Variants in STK39 observed in about 807,000 individuals in gnomAD.
STK39 encodes the protein STE20/SPS1-related proline-alanine-rich protein kinase.
In STK39, 20 loss-of-function variants were observed where a neutral mutation model predicts 77.8. The observed-to-expected ratio is 0.26, with a 90% CI of 0.18 to 0.37. The LOEUF is 0.37. STK39 is among the 10% of genes least tolerant of loss of function. STK39 has a pLI of 1.00. For missense variants in STK39, 479 were observed against 656.5 expected, an observed-to-expected ratio of 0.73 and a Z score of 2.95; for synonymous variants, 246 against 234.1, an observed-to-expected ratio of 1.05 and a Z score of -0.47.
At chr2:168,170,152 A>C (rs1324067402) in intron 2 of STK39, among the ~76,000 whole-genome samples, 2 of 152,220 alleles carry the variant, frequency 1.3e-5, no homozygotes, top group Non-Finnish European at 2.9e-5. Flanking sequence ...TGAAAACTAG[A>C]AATCTTTCCA....
chr2:168,059,691 C>T (rs907582911), intron 14 of STK39, among the ~76,000 whole-genome samples: 1 of 152,164 alleles, frequency 6.6e-6, no homozygotes, highest in Non-Finnish European at 1.5e-5. Flanking sequence ...TTACAACCTA[C>T]AGAAACTGAG....
intron 17 of STK39, among the ~76,000 whole-genome samples, chr2:167,962,904 GC>G (rs1269886807): frequency 6.6e-6 from 1 of 152,156 alleles, no homozygotes; most frequent in East Asian, 1.9e-4. Flanking sequence ...ACCCCAGCGA[GC>G]CCGAGGTTCC....
intron 5 of STK39, 104 bp from the exon 6 acceptor site, chr2:168,140,862 T>G (rs369960713): frequency 2.2e-6 from 2 of 922,148 alleles, no homozygotes; most frequent in Non-Finnish European, 3.2e-6. Flanking sequence ...ACAGTGGTGA[T>G]GAACTATTCC....
At chr2:168,118,488 A>C (rs1687313943) in intron 10 of STK39, among the ~76,000 whole-genome samples, 2 of 152,118 alleles carry the variant, frequency 1.3e-5, no homozygotes, top group Non-Finnish European at 2.9e-5. Flanking sequence ...CAATCTAAAA[A>C]TAAAGACATT....
rs529130681 is a variant in STK39, at chr2:168,029,688, G to A, written c.1377-12593C>T. On this transcript the variant is annotated intron_variant, in intron 14 of 17. Coordinates refer to ENST00000355999, the MANE Select transcript of STK39 (RefSeq NM_013233.3). ...TGTCTTGTCAAGTGCTACAAAGGGC[G>A]ATTTCATGACTGCTTTCTCCGACGG... Among the ~76,000 whole-genome samples the A allele has an allele frequency of 5.9e-5, 9 of 152,244 alleles. No individual in the cohort carries two copies. In the East Asian group the frequency reaches 7.7e-4, roughly 13 times the overall value.
chr2:168,076,678 C>T (rs1686086543), intron 10 of STK39, among the ~76,000 whole-genome samples: 1 of 152,018 alleles, frequency 6.6e-6, no homozygotes, highest in South Asian at 2.1e-4. Context: ...TAGTTATGCT[C>T]ATTTTTTTTT....
intron 8 of STK39, among the ~76,000 whole-genome samples, chr2:168,132,574 C>T (rs1350943204): frequency 6.6e-6 from 1 of 152,168 alleles, no homozygotes; most frequent in African/African-American, 2.4e-5. Flanking sequence ...TGACAAAGCA[C>T]ACACTGCTTT....
At chr2:168,041,206 TA>T (rs905962843) in intron 14 of STK39, among the ~76,000 whole-genome samples, 5 of 151,782 alleles carry the variant, frequency 3.3e-5, no homozygotes, top group East Asian at 1.9e-4. Context: ...TTGCTATAAT[TA>T]AAAAATATGC....
At chr2:168,036,574 A>C (rs529290333) in intron 14 of STK39, among the ~76,000 whole-genome samples, 3 of 152,350 alleles carry the variant, frequency 2.0e-5, no homozygotes, top group African/African-American at 7.2e-5. Flanking sequence ...CAATAGGTTC[A>C]GGAGTAGAGA....
chr2:167,997,247 C>T (rs4667997), intron 16 of STK39, among the ~76,000 whole-genome samples: 1 of 151,370 alleles, frequency 6.6e-6, no homozygotes, highest in Non-Finnish European at 1.5e-5. Context: ...TCCCTACGTG[C>T]AATTTCTACC....
chr2:168,161,005 T>A (rs1436159387), intron 5 of STK39, among the ~76,000 whole-genome samples: 1 of 151,842 alleles, frequency 6.6e-6, no homozygotes, highest in African/African-American at 2.4e-5. Context: ...TGAAACTAGG[T>A]GATGGGTACA....
At chr2:168,039,201 T>G (rs114246280) in intron 14 of STK39, among the ~76,000 whole-genome samples, 3,052 of 152,072 alleles carry the variant, frequency 0.02, 106 homozygotes, top group African/African-American at 0.07. Flanking sequence ...TCAAAGGGAA[T>G]GCAACAAAAT....
At chr2:168,053,685 T>C in intron 14 of STK39, among the ~76,000 whole-genome samples, 1 of 152,224 alleles carries the variant, frequency 6.6e-6, no homozygotes, top group East Asian at 1.9e-4. Context: ...CTATTTTGCT[T>C]CCCTTATACC....
intron 10 of STK39, among the ~76,000 whole-genome samples, chr2:168,101,645 C>G (rs1340193530): frequency 1.3e-5 from 2 of 151,998 alleles, no homozygotes; most frequent in Admixed American, 6.6e-5. Flanking sequence ...GGCTGGGACA[C>G]ATTAATTGCT....
chr2:168,010,742 T>A (rs1009806313), intron 16 of STK39, among the ~76,000 whole-genome samples: 1 of 152,250 alleles, frequency 6.6e-6, no homozygotes, highest in Non-Finnish European at 1.5e-5. Context: ...TATCTTTGTA[T>A]CTGCATTTAT....
intron 1 of STK39, among the ~76,000 whole-genome samples, chr2:168,242,961 GTGAAA>G (rs150748414): frequency 0.016 from 2,399 of 148,510 alleles, 73 homozygotes; most frequent in African/African-American, 0.056. Context: ...AAAAAAGAAA[GTGAAA>G]TGAAATGAAA....
chr2:168,063,982 TCCTG>T lies in STK39; in HGVS notation c.1306-416_1306-413del, dbSNP rs201976863. 7.7e-3 allele frequency among the ~76,000 whole-genome samples: 1,173 copies of T among 152,340 alleles called. 19 individuals carry two copies. The highest frequency in any genetic ancestry group is 0.069 in the South Asian group (335 of 4,830). On this transcript the variant is annotated intron_variant, in intron 13 of 17. Transcript: ENST00000355999. ...AGAAGATTCAGCCACTGTTTATCTT[TCCTG>T]CCTTTCTCACCTAGAGCCCATTTTC...
In STK39 at chr2:167,998,803, T is replaced by A. The variant is rs1012218182; in HGVS notation, c.1498+13831A>T. ...ATGAACCCAGAACACTGGGACATCA[T>A]CTCAGCTTTTATTTCTCAAGTCCTC... On this transcript the variant is annotated intron_variant, in intron 16 of 17. Transcript: ENST00000355999. Among the ~76,000 whole-genome samples, 3 of 152,330 alleles carry A rather than the reference T, an allele frequency of 2.0e-5. No individual in the cohort carries two copies. The East Asian group carries it at 5.8e-4, about 29-fold the overall frequency.
At chr2:168,098,679 C>T (rs183950552) in intron 10 of STK39, among the ~76,000 whole-genome samples, 151 of 152,256 alleles carry the variant, frequency 9.9e-4, no homozygotes, top group Admixed American at 3.4e-3. Context: ...CTCTGGGGCT[C>T]CTTTCCTCCT....
Sources: gnomAD v4.1 joint callset for allele counts (sites outside exome capture counted in the v4.1 genomes callset) on GRCh38, gnomAD v4.1.1 for gene constraint, MANE v1.5 for transcripts, NCBI Gene and HGNC (gene_info 2026-07-23, HGNC 2026-07-21) for gene names.